The following OR1J2 variants were observed in gnomAD, a reference collection of about 807,000 sequenced individuals.
The protein encoded by OR1J2 is olfactory receptor family 1 subfamily J member 2.
For synonymous variants in OR1J2, 142 were observed against 99.7 expected, an observed-to-expected ratio of 1.42 and a Z score of -2.52; for missense variants, 304 against 246.1, an observed-to-expected ratio of 1.24 and a Z score of -1.57.
the OR1J2 span, among the ~76,000 whole-genome samples, chr9:122,548,008 T>C: frequency 2.0e-5 from 3 of 152,192 alleles, no homozygotes; most frequent in Non-Finnish European, 4.4e-5. Flanking sequence ...TGATATCTCA[T>C]TGTGGTTTTA....
the OR1J2 span, among the ~76,000 whole-genome samples, chr9:122,468,683 C>T: frequency 2.6e-5 from 4 of 152,166 alleles, no homozygotes; most frequent in East Asian, 1.9e-4. Flanking sequence ...GAGCAGTCCC[C>T]GCTGCATCCT....
At chr9:122,498,609 A>T in the OR1J2 span, among the ~76,000 whole-genome samples, 5 of 152,042 alleles carry the variant, frequency 3.3e-5, no homozygotes, top group African/African-American at 1.2e-4. Flanking sequence ...TCCATCTTTG[A>T]ATATTTTATC....
At chr9:122,477,694 A>G in the OR1J2 span, 1 of 1,614,064 alleles carries the variant, frequency 6.2e-7, no homozygotes, top group African/African-American at 1.3e-5. Flanking sequence ...CATCTTAGGG[A>G]CAGTGACAGA....
At chr9:122,553,587 T>C in the OR1J2 span, 5 of 1,614,048 alleles carry the variant, frequency 3.1e-6, no homozygotes, top group Middle Eastern at 5.0e-4. Context: ...ATATGACCGC[T>C]ATGTGGCCAT....
At chr9:122,547,124 A>AT in the OR1J2 span, among the ~76,000 whole-genome samples, 1 of 151,476 alleles carries the variant, frequency 6.6e-6, no homozygotes, top group Admixed American at 6.6e-5. Context: ...CCACATAAAA[A>AT]AATAATAATT....
chr9:122,544,266 G>A, the OR1J2 span, among the ~76,000 whole-genome samples: 1 of 151,786 alleles, frequency 6.6e-6, no homozygotes, highest in Non-Finnish European at 1.5e-5. Flanking sequence ...GTGGTTAGTT[G>A]TTGATATTGA....
At chr9:122,517,023 T>C in the OR1J2 span, among the ~76,000 whole-genome samples, 1 of 152,032 alleles carries the variant, frequency 6.6e-6, no homozygotes, top group African/African-American at 2.4e-5. Flanking sequence ...TATAAATTGG[T>C]TCAGATTGTA....
chr9:122,484,382 G>C, the OR1J2 span, among the ~76,000 whole-genome samples: 1 of 151,946 alleles, frequency 6.6e-6, no homozygotes, highest in Non-Finnish European at 1.5e-5. Context: ...GGATGGTCTC[G>C]ATCTCTTGAC....
chr9:122,542,246 A>C, the OR1J2 span, among the ~76,000 whole-genome samples: 1 of 152,210 alleles, frequency 6.6e-6, no homozygotes, highest in Non-Finnish European at 1.5e-5. Context: ...AATGGTGGGC[A>C]AATGGATTGC....
chr9:122,575,379 C>G, the OR1J2 span, among the ~76,000 whole-genome samples: 1 of 151,992 alleles, frequency 6.6e-6, no homozygotes, highest in African/African-American at 2.4e-5. Context: ...AGATACAGTT[C>G]TATCAATTTC....
the OR1J2 span, among the ~76,000 whole-genome samples, chr9:122,535,021 G>A: frequency 2.2e-4 from 34 of 152,020 alleles, no homozygotes; most frequent in Non-Finnish European, 4.4e-4. Flanking sequence ...GAGGTTTTAG[G>A]TTTTTAAGAA....
At chr9:122,489,724 G>C in the OR1J2 span, among the ~76,000 whole-genome samples, 1 of 152,192 alleles carries the variant, frequency 6.6e-6, no homozygotes, top group South Asian at 2.1e-4. Context: ...ACCATTGTTT[G>C]TGTCCACGTT....
At chr9:122,537,040 A>G in the OR1J2 span, among the ~76,000 whole-genome samples, 21,741 of 152,148 alleles carry the variant, frequency 0.14, 1,803 homozygotes, top group East Asian at 0.34. Flanking sequence ...CTCAGACACC[A>G]AGTTGTAGAA....
downstream of OR1J2, among the ~76,000 whole-genome samples, chr9:122,516,599 G>A (rs193063190): frequency 3.3e-5 from 5 of 152,206 alleles, no homozygotes; most frequent in Admixed American, 6.5e-5. Flanking sequence ...CACCGCGCCC[G>A]GCCCATACAT....
At chr9:122,478,091 G>A in the OR1J2 span, among the ~76,000 whole-genome samples, 1 of 152,210 alleles carries the variant, frequency 6.6e-6, no homozygotes. Context: ...CAAATGTGCT[G>A]AAAAAGAAAT....
chr9:122,494,312 C>G, the OR1J2 span, among the ~76,000 whole-genome samples: 1 of 152,132 alleles, frequency 6.6e-6, no homozygotes, highest in Non-Finnish European at 1.5e-5. Context: ...GTGTTGCCAT[C>G]TATGTCATTC....
the OR1J2 span, among the ~76,000 whole-genome samples, chr9:122,500,530 G>A: frequency 5.9e-5 from 9 of 152,272 alleles, no homozygotes; most frequent in African/African-American, 2.2e-4. Context: ...AGTGGCTATG[G>A]CACTAGATTT....
At chr9:122,519,203 A>G in the OR1J2 span, 1 of 1,614,094 alleles carries the variant, frequency 6.2e-7, no homozygotes, top group Non-Finnish European at 8.5e-7. Flanking sequence ...CCATCTGGCC[A>G]GAGCAGCAGG....
At chr9:122,568,591 CT>C in the OR1J2 span, 6 of 663,772 alleles carry the variant, frequency 9.0e-6, no homozygotes, top group Non-Finnish European at 1.3e-5. Context: ...TCACAATTAG[CT>C]ACTGTGCTAA....
Sources: allele counts gnomAD v4.1 joint callset (sites outside exome capture counted in the v4.1 genomes callset), GRCh38; gene constraint gnomAD v4.1.1; transcripts MANE v1.5; gene names NCBI Gene and HGNC (gene_info 2026-07-23, HGNC 2026-07-21).